The following NIPAL2 variants were observed in gnomAD, a reference collection of about 807,000 sequenced individuals.
NIPAL2 encodes NIPA like domain containing 2, also known as NIPA-like protein 2.
A neutral mutation model predicts 48.9 loss-of-function variants in NIPAL2; 43 were observed. The ratio of observed to expected loss-of-function variants is 0.88; its 90% confidence interval spans 0.69 to 1.13. The LOEUF is 1.13. NIPAL2 is among the 50% of genes most tolerant of loss of function. NIPAL2 has a pLI of 0.00. For synonymous variants in NIPAL2, 167 were observed against 174.6 expected (o/e 0.96, Z 0.34); for missense variants, 446 against 461.4 (o/e 0.97, Z 0.31).
chr8:98,221,126 C>T (rs1436303932), intron 5 of NIPAL2, among the ~76,000 whole-genome samples: 1 of 151,974 alleles, frequency 6.6e-6, no homozygotes, highest in Admixed American at 6.6e-5. Context: ...CAGGTGTGTA[C>T]TTCCACTCCT....
intron 4 of NIPAL2, among the ~76,000 whole-genome samples, chr8:98,226,550 T>C (rs1812181185): frequency 6.6e-6 from 1 of 152,208 alleles, no homozygotes. Context: ...GCAGAGACTC[T>C]TGTTCTCTTC....
intron 1 of NIPAL2, among the ~76,000 whole-genome samples, chr8:98,256,243 C>T (rs1487307596): frequency 6.6e-6 from 1 of 152,082 alleles, no homozygotes; most frequent in Non-Finnish European, 1.5e-5. Flanking sequence ...AGGCTGGTCT[C>T]GAATTCCTGA....
chr8:98,242,704 C>A (rs1259782924), intron 3 of NIPAL2, among the ~76,000 whole-genome samples: 1 of 151,878 alleles, frequency 6.6e-6, no homozygotes, highest in Non-Finnish European at 1.5e-5. Flanking sequence ...CAGGCTGGTT[C>A]TGAGCTCCTA....
intron 1 of NIPAL2, among the ~76,000 whole-genome samples, chr8:98,284,687 G>A (rs1480934975): frequency 6.6e-6 from 1 of 152,090 alleles, no homozygotes; most frequent in Non-Finnish European, 1.5e-5. Flanking sequence ...AGCCCTGCAA[G>A]TCCAGAGGCT....
chr8:98,246,612 A>C (rs1255506695), intron 3 of NIPAL2, among the ~76,000 whole-genome samples: 2 of 152,222 alleles, frequency 1.3e-5, no homozygotes, highest in Non-Finnish European at 2.9e-5. Context: ...TAATGAGTTT[A>C]TGTGTCTCAT....
At chr8:98,250,549 T>C (rs1398260293) in intron 3 of NIPAL2, among the ~76,000 whole-genome samples, 2 of 152,152 alleles carry the variant, frequency 1.3e-5, no homozygotes, top group African/African-American at 4.8e-5. Context: ...GATTGTAAAG[T>C]AGGAAATGAG....
chr8:98,293,486 G>T (rs1233989506), intron 1 of NIPAL2, among the ~76,000 whole-genome samples: 2 of 152,206 alleles, frequency 1.3e-5, no homozygotes, highest in Non-Finnish European at 2.9e-5. Flanking sequence ...TGTGTTCCTC[G>T]CACGGAAATG....
intron 4 of NIPAL2, among the ~76,000 whole-genome samples, chr8:98,226,762 C>T (rs1327172452): frequency 6.6e-6 from 1 of 152,134 alleles, no homozygotes; most frequent in Admixed American, 6.5e-5. Context: ...GTATCCACTG[C>T]CTGGCTACTG....
At chr8:98,266,102 A>C (rs1337271056) in intron 1 of NIPAL2, among the ~76,000 whole-genome samples, 1 of 125,680 alleles carries the variant, frequency 8.0e-6, no homozygotes, top group Non-Finnish European at 1.6e-5. Flanking sequence ...TGGACACAGG[A>C]AGGGGAATAT....
intron 5 of NIPAL2, among the ~76,000 whole-genome samples, chr8:98,219,598 G>A (rs114798925): frequency 1.0e-3 from 153 of 152,176 alleles, no homozygotes; most frequent in African/African-American, 2.9e-3. Flanking sequence ...ACCCTCATTC[G>A]TCACTCCTAG....
chr8:98,281,739 G>A (rs953419989), intron 1 of NIPAL2, among the ~76,000 whole-genome samples: 11 of 152,216 alleles, frequency 7.2e-5, no homozygotes, highest in African/African-American at 2.2e-4. Context: ...GGTGTGCTCC[G>A]CAAAACCCCA....
chr8:98,220,824 C>T (rs1811816438), intron 5 of NIPAL2, among the ~76,000 whole-genome samples: 1 of 152,064 alleles, frequency 6.6e-6, no homozygotes, highest in East Asian at 1.9e-4. Flanking sequence ...TTATTATTCC[C>T]CAATCTATAC....
At chr8:98,265,795 G>T (rs1383990488) in intron 1 of NIPAL2, among the ~76,000 whole-genome samples, 6 of 143,706 alleles carry the variant, frequency 4.2e-5, no homozygotes, top group African/African-American at 7.9e-5. Flanking sequence ...TATACCCAAA[G>T]GACTATAAAT....
intron 1 of NIPAL2, among the ~76,000 whole-genome samples, chr8:98,289,246 T>C (rs1403069261): frequency 1.3e-5 from 2 of 152,232 alleles, no homozygotes; most frequent in Non-Finnish European, 2.9e-5. Flanking sequence ...CCAGGCCATG[T>C]ATGCTGTAAT....
intron 1 of NIPAL2, among the ~76,000 whole-genome samples, chr8:98,282,159 G>A (rs1412606691): frequency 6.6e-6 from 1 of 152,192 alleles, no homozygotes; most frequent in Admixed American, 6.5e-5. Context: ...ACCAGGGTGA[G>A]TGCATTCCGG....
chr8:98,276,009 T>G (rs1815436884), intron 1 of NIPAL2, among the ~76,000 whole-genome samples: 1 of 152,200 alleles, frequency 6.6e-6, no homozygotes, highest in African/African-American at 2.4e-5. Context: ...ATTTTCTCCC[T>G]GCTGCCACAC....
intron 1 of NIPAL2, among the ~76,000 whole-genome samples, chr8:98,286,635 CCT>C (rs897176440): frequency 6.6e-6 from 1 of 151,786 alleles, no homozygotes; most frequent in Non-Finnish European, 1.5e-5. Flanking sequence ...ATGGTGAAAC[CCT>C]GTCTCTACTA....
At chr8:98,228,093 C>T (rs1156510695) in intron 4 of NIPAL2, among the ~76,000 whole-genome samples, 1 of 152,234 alleles carries the variant, frequency 6.6e-6, no homozygotes, top group Non-Finnish European at 1.5e-5. Context: ...CACTTGGCCA[C>T]TGCTGGAGGA....
Position 98,203,570 on chromosome 8 carries a change from T to C in NIPAL2, c.792-374A>G, listed in dbSNP as rs541505640. On this transcript the variant is annotated intron_variant, in intron 7 of 10. Coordinates refer to ENST00000430223, the MANE Select transcript of NIPAL2 (RefSeq NM_001321635.2). The stretch of plus-strand genomic sequence containing the variant: ...GGAATAGTAGAGCTATCCATTGACA[T>C]GCCACGTGCCAAGAAAGAAGATGGA... 2.0e-5 allele frequency among the ~76,000 whole-genome samples: 3 copies of C among 152,314 alleles called. No individual in the cohort carries two copies. The East Asian group carries it at 5.8e-4, about 29-fold the overall frequency.
Sources: allele counts gnomAD v4.1 joint callset (sites outside exome capture counted in the v4.1 genomes callset), GRCh38; gene constraint gnomAD v4.1.1; transcripts MANE v1.5; gene names NCBI Gene and HGNC (gene_info 2026-07-23, HGNC 2026-07-21).